THEMIS: variants seen among roughly 807,000 people sequenced by gnomAD.
THEMIS encodes thymocyte selection associated.
A neutral mutation model predicts 52.6 loss-of-function variants in THEMIS; 37 were observed. That is an observed-to-expected ratio of 0.70 (90% CI 0.54 to 0.93). The LOEUF (loss-of-function observed/expected upper bound fraction) is 0.93. Ranked by LOEUF, THEMIS falls within the 40% of genes least tolerant of loss-of-function variation. The probability of loss-of-function intolerance (pLI) is 0.00; values close to 1 mark genes in which losing one functional copy is unlikely to be tolerated. For synonymous variants in THEMIS, 292 were observed against 272.7 expected, an observed-to-expected ratio of 1.07 and a Z score of -0.70; for missense variants, 808 against 763.1, an observed-to-expected ratio of 1.06 and a Z score of -0.69.
intron 1 of THEMIS, among the ~76,000 whole-genome samples, chr6:127,895,558 T>TG (rs1780939953): frequency 6.6e-6 from 1 of 151,552 alleles, no homozygotes; most frequent in African/African-American, 2.4e-5. Flanking sequence ...TATAAGTATG[T>TG]GTGTGTGCAT....
chr6:127,799,545 T>TTCTA (rs1554226633), intron 4 of THEMIS, among the ~76,000 whole-genome samples: 22 of 79,224 alleles, frequency 2.8e-4, no homozygotes, highest in Admixed American at 1.6e-3. Flanking sequence ...CTTTCTTTCT[T>TTCTA]TCTTTCTATC....
intron 1 of THEMIS, among the ~76,000 whole-genome samples, chr6:127,897,410 AAT>A (rs779175104): frequency 6.6e-6 from 1 of 151,414 alleles, no homozygotes; most frequent in Non-Finnish European, 1.5e-5. Flanking sequence ...AAATATCCCA[AAT>A]ATATATATAC....
At chr6:127,826,900 C>G (rs982743074) in intron 3 of THEMIS, among the ~76,000 whole-genome samples, 6 of 151,800 alleles carry the variant, frequency 4.0e-5, no homozygotes, top group African/African-American at 1.5e-4. Flanking sequence ...GAGATTTTGG[C>G]CAAGTTTCCA....
At chr6:127,763,566 T>G (rs931326488) in intron 4 of THEMIS, among the ~76,000 whole-genome samples, 1 of 152,006 alleles carries the variant, frequency 6.6e-6, no homozygotes, top group African/African-American at 2.4e-5. Context: ...TTACTTATCA[T>G]GATCCATGAA....
chr6:127,770,352 T>C (rs1278032327), intron 4 of THEMIS, among the ~76,000 whole-genome samples: 12 of 152,234 alleles, frequency 7.9e-5, no homozygotes, highest in Non-Finnish European at 1.5e-5. Flanking sequence ...GTGGTTTTGA[T>C]TTGCATTTTT....
chr6:127,774,840 A>C (rs1435125122), intron 4 of THEMIS, among the ~76,000 whole-genome samples: 1 of 152,214 alleles, frequency 6.6e-6, no homozygotes, highest in Non-Finnish European at 1.5e-5. Flanking sequence ...TGGCTTCTAA[A>C]GCAAATAGAT....
chr6:127,733,774 G>A (rs551039812), intron 4 of THEMIS, among the ~76,000 whole-genome samples: 3 of 152,114 alleles, frequency 2.0e-5, no homozygotes, highest in South Asian at 2.1e-4. Context: ...GTTTTGGGAG[G>A]AAGACCGCTC....
At chr6:127,774,944 T>C (rs1776511385) in intron 4 of THEMIS, among the ~76,000 whole-genome samples, 1 of 152,040 alleles carries the variant, frequency 6.6e-6, no homozygotes, top group Non-Finnish European at 1.5e-5. Context: ...CACCTTACGA[T>C]GAGGAGACAT....
At chr6:127,833,156 C>T (rs1043175587) in intron 2 of THEMIS, among the ~76,000 whole-genome samples, 9 of 151,876 alleles carry the variant, frequency 5.9e-5, no homozygotes, top group African/African-American at 1.9e-4. Context: ...AAACACGTCA[C>T]TTAACTAACA....
At chr6:127,913,409 A>C (rs1010281189) in intron 1 of THEMIS, among the ~76,000 whole-genome samples, 2 of 152,142 alleles carry the variant, frequency 1.3e-5, no homozygotes, top group African/African-American at 4.8e-5. Flanking sequence ...ATTTGGGTCT[A>C]CTTTGATTGG....
intron 5 of THEMIS, among the ~76,000 whole-genome samples, chr6:127,710,850 T>C (rs759604093): frequency 1.3e-5 from 2 of 151,960 alleles, no homozygotes; most frequent in African/African-American, 2.4e-5. Context: ...TAGAGGTTAG[T>C]TAAGTGCTAA....
chr6:127,860,736 G>C (rs1779773253), intron 1 of THEMIS, among the ~76,000 whole-genome samples: 1 of 152,046 alleles, frequency 6.6e-6, no homozygotes, highest in South Asian at 2.1e-4. Flanking sequence ...ACCCAGAAAA[G>C]AACAACATTT....
At chr6:127,718,477 C>T (rs1774248482) in intron 5 of THEMIS, among the ~76,000 whole-genome samples, 1 of 151,880 alleles carries the variant, frequency 6.6e-6, no homozygotes, top group African/African-American at 2.4e-5. Flanking sequence ...TACTGCTGTA[C>T]CATCCCAGAA....
intron 1 of THEMIS, among the ~76,000 whole-genome samples, chr6:127,881,103 T>G (rs1248919226): frequency 6.6e-6 from 1 of 152,104 alleles, no homozygotes; most frequent in Non-Finnish European, 1.5e-5. Context: ...CACACTAACT[T>G]GAAGTCACTT....
intron 4 of THEMIS, among the ~76,000 whole-genome samples, chr6:127,761,154 A>G (rs1776008414): frequency 6.6e-6 from 1 of 152,166 alleles, no homozygotes; most frequent in Non-Finnish European, 1.5e-5. Flanking sequence ...GACCACAATG[A>G]GATAACATCT....
At chr6:127,768,999 A>G (rs191238323) in intron 4 of THEMIS, among the ~76,000 whole-genome samples, 3 of 152,322 alleles carry the variant, frequency 2.0e-5, no homozygotes, top group Admixed American at 1.3e-4. Context: ...GCAGTGTTTC[A>G]AACACATCAC....
At chr6:127,828,681 G>A (rs1290878441) in intron 3 of THEMIS, among the ~76,000 whole-genome samples, 1 of 152,152 alleles carries the variant, frequency 6.6e-6, no homozygotes, top group Non-Finnish European at 1.5e-5. Flanking sequence ...CGGGCCGGGC[G>A]CGATGGCTCA....
At chr6:127,733,739 T>G (rs1774889531) in intron 4 of THEMIS, among the ~76,000 whole-genome samples, 1 of 151,992 alleles carries the variant, frequency 6.6e-6, no homozygotes, top group Admixed American at 6.6e-5. Flanking sequence ...AACTGTCAAT[T>G]CTCAGGAAAA....
At chr6:127,721,001 T>A (rs1774343565) in intron 4 of THEMIS, among the ~76,000 whole-genome samples, 1 of 152,000 alleles carries the variant, frequency 6.6e-6, no homozygotes. Flanking sequence ...GGCCTATCAA[T>A]GTGGCTTCTT....
Sources: allele counts gnomAD v4.1 joint callset (sites outside exome capture counted in the v4.1 genomes callset), GRCh38; gene constraint gnomAD v4.1.1; transcripts MANE v1.5; gene names NCBI Gene and HGNC (gene_info 2026-07-23, HGNC 2026-07-21).